Variants in ANO2 observed in about 807,000 individuals in gnomAD.
ANO2 encodes the protein anoctamin-2.
Under a neutral mutation model 124.2 loss-of-function variants are expected in ANO2, and 101 were observed. The observed-to-expected ratio is 0.81, with a 90% CI of 0.69 to 0.96. The LOEUF (loss-of-function observed/expected upper bound fraction) is 0.96, where lower values mean the gene tolerates loss of function less well. Ranked by LOEUF, ANO2 falls within the 40% of genes least tolerant of loss-of-function variation. The pLI is 0.00. For synonymous variants in ANO2, 486 were observed against 482.5 expected, an observed-to-expected ratio of 1.01 and a Z score of -0.09; for missense variants, 1,293 against 1,274.5, an observed-to-expected ratio of 1.01 and a Z score of -0.22.
intron 7 of ANO2, among the ~76,000 whole-genome samples, chr12:5,810,296 C>G (rs1352683192): frequency 1.3e-5 from 2 of 152,160 alleles, no homozygotes; most frequent in Admixed American, 6.5e-5. Flanking sequence ...TTGCTTTGGC[C>G]TCCCCGTTCA....
In ANO2 at chr12:5,562,918, A is replaced by ACTGCATTTC. The variant is rs1485866127; in HGVS notation, c.*372_*380dup. ...GTAAGTAGGGGATGCTGTGCTCCTG[A>ACTGCATTTC]CTGCATTTCTCTTACAGCTGGTCAA... is the stretch of plus-strand genomic sequence containing the variant. On this transcript the variant is annotated 3_prime_UTR_variant, in exon 25 of 25. Coordinates refer to ENST00000682330, the MANE Select transcript of ANO2 (RefSeq NM_001364791.2). 7.1e-4 allele frequency: 148 copies of ACTGCATTTC among 208,288 alleles called. No individual in the cohort carries two copies. Among genetic ancestry groups the ACTGCATTTC allele is most frequent in the African/African-American group, 3.3e-3 (143 of 43,966 alleles). The allele number at this position is 208,288 out of a possible 1,614,324, so 12.9% of individuals were successfully genotyped here. A position where few individuals can be genotyped will look rare whatever the true frequency, so the allele number is the denominator to read the frequency against.
intron 3 of ANO2, among the ~76,000 whole-genome samples, chr12:5,887,839 C>CTTTT (rs1262320751): frequency 7.2e-6 from 1 of 138,392 alleles, no homozygotes; most frequent in African/African-American, 2.6e-5. Context: ...TTTTTTTTTT[C>CTTTT]TTTTTTTTTT....
At chr12:5,577,447 G>T (rs1230797819) in intron 22 of ANO2, among the ~76,000 whole-genome samples, 1 of 152,238 alleles carries the variant, frequency 6.6e-6, no homozygotes, top group Non-Finnish European at 1.5e-5. Flanking sequence ...TCTGGCAAGG[G>T]AGTTAAGGAG....
intron 14 of ANO2, among the ~76,000 whole-genome samples, chr12:5,659,119 C>G (rs1227920371): frequency 1.3e-5 from 2 of 152,158 alleles, no homozygotes; most frequent in Non-Finnish European, 2.9e-5. Flanking sequence ...GATGCTCTCT[C>G]TCTCTGCTGG....
At position 5,612,663 on chromosome 12, in the gene ANO2, C is replaced by T. The variant is rs1451481624; in HGVS notation, c.2080G>A (p.Gly694Arg). 1 of 1,613,812 alleles carries T rather than the reference C, an allele frequency of 6.2e-7. No homozygotes were observed. The highest frequency in any genetic ancestry group is 8.5e-7 in the Non-Finnish European group (1 of 1,179,800). ...QLIQNNIFEI[G>R]VPKLKKLFRK... is the part of the protein sequence containing the mutation. ...GAGGAGTTCATTACATACGGGACTC[C>T]AATCTCAAAGATGTTGTTCTGGATC... Residue 694 changes from glycine (G) to arginine (R), a missense_variant, in exon 19 of 25, where the codon GGA becomes AGA. Gly to Arg is a moderately radical substitution (Grantham distance 125). Transcript: ENST00000682330.
chr12:5,851,617 G>A (rs1053097925), intron 4 of ANO2, among the ~76,000 whole-genome samples: 7 of 149,666 alleles, frequency 4.7e-5, no homozygotes, highest in Admixed American at 1.3e-4. Context: ...CCTGGGGGAC[G>A]GAGATTGCAG....
rs1317947016 is a variant in ANO2, at chr12:5,906,365, AAAAAG to A, written c.534+14670_534+14674del. Reference sequence around the variant, plus strand: ...ACATTGTTAAAAAAAAAAAAAAAAGAAAAAGAAAAAAAGAGGCCATCCATGGTGAC... The same window carrying A: ...ACATTGTTAAAAAAAAAAAAAAAAGAAAAAAAAGAGGCCATCCATGGTGAC... On this transcript the variant is annotated intron_variant, in intron 3 of 24. Transcript: ENST00000682330. 3.1e-3 allele frequency among the ~76,000 whole-genome samples: 461 copies of A among 149,950 alleles called. 3 individuals carry two copies. Among genetic ancestry groups the A allele is most frequent in the African/African-American group, 0.011 (438 of 40,510 alleles).
chr12:5,813,074 G>GAGGAAGGAAGGAAGGA (rs71064169), intron 7 of ANO2, among the ~76,000 whole-genome samples: 4 of 146,130 alleles, frequency 2.7e-5, no homozygotes, highest in Admixed American at 6.8e-5. Context: ...GAAGACGAAA[G>GAGGAAGGAAGGAAGGA]AGGAAGGAAA....
At chr12:5,742,963 T>C (rs1005530571) in intron 12 of ANO2, among the ~76,000 whole-genome samples, 1 of 152,038 alleles carries the variant, frequency 6.6e-6, no homozygotes, top group Non-Finnish European at 1.5e-5. Flanking sequence ...GGCTGAACAC[T>C]GCCCGTGTGC....
At chr12:5,751,442 T>G (rs1211294589) in intron 10 of ANO2, among the ~76,000 whole-genome samples, 1 of 152,248 alleles carries the variant, frequency 6.6e-6, no homozygotes, top group East Asian at 1.9e-4. Context: ...ATACACACAC[T>G]TACTGAAAAA....
At chr12:5,578,085 G>A in intron 21 of ANO2, 78 bp from the exon 22 acceptor site, 2 of 1,519,220 alleles carry the variant, frequency 1.3e-6, no homozygotes, top group Non-Finnish European at 9.0e-7. Flanking sequence ...TCCAGGTGAT[G>A]TTTTGCAGGT....
At chr12:5,613,215 GTGTGTGTGCGTGTA>G (rs1944632932) in intron 17 of ANO2, among the ~76,000 whole-genome samples, 2 of 152,078 alleles carry the variant, frequency 1.3e-5, no homozygotes, top group African/African-American at 4.8e-5. Context: ...GCTGGGCCTG[GTGTGTGTGCGTGTA>G]TGTGTGTGTG....
Position 5,807,306 on chromosome 12 carries a change from T to C in ANO2, c.948+7A>G. The C allele has an allele frequency of 1.3e-6, 2 of 1,552,218 alleles. No homozygotes were observed. The highest frequency in any genetic ancestry group is 1.4e-5 in the African/African-American group (1 of 73,290). On this transcript the variant is annotated splice_region_variant and intron_variant, in intron 8 of 24. Transcript: ENST00000682330. Reference sequence around the variant, plus strand: ...ACAGAGAGCACGCTGATGAAAATAGTACTTACGTCATGAAGAGGGTAGGCA... The same window carrying C: ...ACAGAGAGCACGCTGATGAAAATAGCACTTACGTCATGAAGAGGGTAGGCA...
At chr12:5,780,416 G>A (rs565906172) in intron 10 of ANO2, among the ~76,000 whole-genome samples, 4 of 152,116 alleles carry the variant, frequency 2.6e-5, no homozygotes, top group African/African-American at 4.8e-5. Flanking sequence ...AATAAAAACA[G>A]TATCTCTTTA....
intron 20 of ANO2, among the ~76,000 whole-genome samples, chr12:5,578,909 C>T (rs190880713): frequency 5.3e-5 from 8 of 152,316 alleles, no homozygotes; most frequent in East Asian, 3.9e-4. Context: ...TTTGTCACAA[C>T]GACTCAACTC....
intron 4 of ANO2, among the ~76,000 whole-genome samples, chr12:5,834,570 T>C (rs1300469099): frequency 6.6e-6 from 1 of 152,234 alleles, no homozygotes; most frequent in Non-Finnish European, 1.5e-5. Flanking sequence ...TTTTGTTCTT[T>C]AATAAAATAA....
intron 3 of ANO2, chr12:5,856,210 C>T (rs1342686008): frequency 6.6e-6 from 1 of 152,224 alleles, no homozygotes; most frequent in Non-Finnish European, 1.5e-5. Flanking sequence ...CAGCATCATC[C>T]CTCTCGCTAA....
chr12:5,941,630 T>C (rs768696648), intron 1 of ANO2, among the ~76,000 whole-genome samples: 35 of 151,542 alleles, frequency 2.3e-4, no homozygotes, highest in Non-Finnish European at 3.4e-4. Flanking sequence ...ATACAATAAC[T>C]TGTAATAACA....
At chr12:5,647,952 A>G (rs1946732240) in intron 14 of ANO2, among the ~76,000 whole-genome samples, 151 bp from the exon 15 acceptor site, 1 of 152,202 alleles carries the variant, frequency 6.6e-6, no homozygotes, top group Admixed American at 6.5e-5. Context: ...CATATCAACA[A>G]CTGCCCTTCT....
Sources: allele counts gnomAD v4.1 joint callset (sites outside exome capture counted in the v4.1 genomes callset), GRCh38; gene constraint gnomAD v4.1.1; transcripts MANE v1.5; gene names NCBI Gene and HGNC (gene_info 2026-07-23, HGNC 2026-07-21).